The following LRP5 variants were observed in gnomAD, a reference collection of about 807,000 sequenced individuals.
LRP5 encodes LDL receptor related protein 5, also known as low-density lipoprotein receptor-related protein 5.
In LRP5, 62 loss-of-function variants were observed where a neutral mutation model predicts 154.1. The observed-to-expected ratio is 0.40, with a 90% CI of 0.33 to 0.50. The LOEUF is 0.50. LRP5 is among the 20% of genes least tolerant of loss of function. The pLI, the probability that LRP5 is intolerant of heterozygous loss-of-function variation, is 0.55. For synonymous variants in LRP5, 966 were observed against 1,011.5 expected, an observed-to-expected ratio of 0.96 and a Z score of 0.85; for missense variants, 1,915 against 2,336.7, an observed-to-expected ratio of 0.82 and a Z score of 3.72.
rs559170885 is a variant in LRP5 at position 68,352,451 on chromosome 11, C to T, written c.488+4208C>T. ...TGCCCTTTCCTCGCCACCAGAAGTC[C>T]AGTCTCCATGCCTACGTGGTTTTGT... On this transcript the variant is annotated intron_variant, in intron 2 of 22. Transcript: ENST00000294304. 3.0e-4 allele frequency among the ~76,000 whole-genome samples: 45 copies of T among 152,324 alleles called. 1 individual carries two copies. Among genetic ancestry groups the T allele is most frequent in the African/African-American group, 1.1e-3 (44 of 41,574 alleles).
chr11:68,445,762 C>A, intron 21 of LRP5: 1 of 929,022 alleles, frequency 1.1e-6, no homozygotes, highest in Admixed American at 2.5e-5. Context: ...TGTGTGCTGC[C>A]TGGACCTGGG....
At chr11:68,330,375 C>T (rs1468646472) in intron 1 of LRP5, among the ~76,000 whole-genome samples, 4 of 152,236 alleles carry the variant, frequency 2.6e-5, no homozygotes, top group Non-Finnish European at 5.9e-5. Context: ...TGCAGTATTC[C>T]ATAGCTAGAC....
Position 68,433,664 on chromosome 11 carries a change from G to A in LRP5, c.3826G>A (p.Gly1276Arg), listed in dbSNP as rs370744430. ...CACAGGGGAGATCGACTGTATCCCC[G>A]GGGCCTGGCGCTGTGACGGCTTTCC... ...CATGEIDCIP[G>R]AWRCDGFPEC... The change falls in exon 18 of 23, where the codon GGG becomes AGG. Residue 1276 changes from glycine to arginine, a missense_variant. Around this residue, in one of 3 missense-constraint regions of LRP5, gnomAD observed 1,094 missense variants for 1,210.1 expected, o/e 0.90. Coordinates refer to ENST00000294304, the MANE Select transcript of LRP5 (RefSeq NM_002335.4). 1.1e-5 allele frequency: 17 copies of A among 1,613,244 alleles called. No homozygotes were observed. Among genetic ancestry groups the A allele is most frequent in the African/African-American group, 2.7e-5 (2 of 74,938 alleles).
chr11:68,367,900 C>T (rs1170998626), intron 5 of LRP5, among the ~76,000 whole-genome samples: 1 of 152,018 alleles, frequency 6.6e-6, no homozygotes, highest in East Asian at 1.9e-4. Context: ...TCCATCTCTA[C>T]TAAAAATATA....
chr11:68,341,975 G>A lies in LRP5; in HGVS notation c.92-5872G>A, dbSNP rs571791184. Reference sequence around the variant, plus strand: ...TGCTGGGCACTCGCCTGCTGGAGGAGTGAGTGCCCATGGCCAGCCCCTCCT... The same window carrying A: ...TGCTGGGCACTCGCCTGCTGGAGGAATGAGTGCCCATGGCCAGCCCCTCCT... On this transcript the variant is annotated intron_variant, in intron 1 of 22. Coordinates refer to ENST00000294304, the MANE Select transcript of LRP5 (RefSeq NM_002335.4). Among the ~76,000 whole-genome samples the A allele has an allele frequency of 6.6e-5, 10 of 152,272 alleles. No homozygotes were observed. The South Asian group carries it at 1.5e-3, about 22-fold the overall frequency.
chr11:68,372,443 G>GTGT (rs1302979630), intron 5 of LRP5, among the ~76,000 whole-genome samples: 9,493 of 145,164 alleles, frequency 0.065, 3,474 homozygotes, highest in Non-Finnish European at 0.094. Context: ...AGGAGGTGCA[G>GTGT]CGTCAGGCGG....
intron 8 of LRP5, among the ~76,000 whole-genome samples, chr11:68,405,150 C>G (rs2098654885): frequency 6.6e-6 from 1 of 151,040 alleles, no homozygotes; most frequent in Non-Finnish European, 1.5e-5. Flanking sequence ...GAGCGAGACT[C>G]TGTCTCAAAA....
chr11:68,418,476 G>A (rs571271770), intron 13 of LRP5, among the ~76,000 whole-genome samples: 11 of 152,176 alleles, frequency 7.2e-5, no homozygotes, highest in Non-Finnish European at 1.2e-4. Context: ...TGTTATTGTG[G>A]TGAAATCTTG....
intron 5 of LRP5, among the ~76,000 whole-genome samples, chr11:68,372,921 G>A (rs1004488938): frequency 7.9e-5 from 12 of 152,076 alleles, no homozygotes; most frequent in African/African-American, 2.2e-4. Context: ...GGCAGGGCCT[G>A]GCTGTGTCAG....
At chr11:68,439,979 T>C (rs2098677312) in intron 21 of LRP5, 63 bp downstream of exon 21, 1 of 1,431,040 alleles carries the variant, frequency 7.0e-7, no homozygotes, top group African/African-American at 1.4e-5. Flanking sequence ...CCACCGTCAG[T>C]GCTGGCCACC....
At chr11:68,398,554 G>A (rs1285172138) in intron 7 of LRP5, among the ~76,000 whole-genome samples, 1 of 152,048 alleles carries the variant, frequency 6.6e-6, no homozygotes, top group East Asian at 1.9e-4. Context: ...TAGAGCAGGA[G>A]TCGAGAGCTA....
intron 7 of LRP5, among the ~76,000 whole-genome samples, chr11:68,397,106 C>T (rs1455640334): frequency 6.6e-6 from 1 of 152,160 alleles, no homozygotes; most frequent in African/African-American, 2.4e-5. Context: ...CACCTGCAGC[C>T]ACACTCAGCT....
In LRP5 at chr11:68,423,084, G is replaced by A. The variant is rs2098666750; in HGVS notation, c.3028-405G>A. ...GTGTTGGGAAGGGCCCCATGGTCTT[G>A]GATCCCTTCTCGACTGTCAATGGGG... On this transcript the variant is annotated intron_variant, in intron 13 of 22. Coordinates refer to ENST00000294304, the MANE Select transcript of LRP5 (RefSeq NM_002335.4). This position sits in a 1 kb window ranked among gnomAD's most constrained non-coding sequence, Gnocchi z 4.7. Among the ~76,000 whole-genome samples, 1 of 152,196 alleles carries A rather than the reference G, an allele frequency of 6.6e-6. No homozygotes were observed. The highest frequency in any genetic ancestry group is 6.5e-5 in the Admixed American group (1 of 15,280).
intron 21 of LRP5, 66 bp downstream of exon 21, chr11:68,439,982 T>C (rs112911971): frequency 1.1e-5 from 15 of 1,421,752 alleles, no homozygotes; most frequent in African/African-American, 1.0e-4. Flanking sequence ...CCGTCAGTGC[T>C]GGCCACCGGA....
At chr11:68,409,365 A>G (rs1279661844) in intron 9 of LRP5, among the ~76,000 whole-genome samples, 1 of 146,634 alleles carries the variant, frequency 6.8e-6, no homozygotes, top group Non-Finnish European at 1.5e-5. Context: ...TATATAATAT[A>G]CATTTATAAA....
At chr11:68,393,417 G>A (rs930095624) in intron 7 of LRP5, among the ~76,000 whole-genome samples, 33 of 152,196 alleles carry the variant, frequency 2.2e-4, no homozygotes, top group African/African-American at 7.2e-4. Flanking sequence ...TGGCTGCGCC[G>A]TTCTGCATCC....
chr11:68,383,351 T>C (rs1023560921), intron 5 of LRP5, among the ~76,000 whole-genome samples: 1 of 152,142 alleles, frequency 6.6e-6, no homozygotes, highest in Non-Finnish European at 1.5e-5. Flanking sequence ...GGCAGTCTCA[T>C]TGGAAAGTTC....
intron 5 of LRP5, among the ~76,000 whole-genome samples, chr11:68,385,423 G>T (rs938130119): frequency 2.0e-5 from 3 of 152,150 alleles, no homozygotes; most frequent in Non-Finnish European, 4.4e-5. Flanking sequence ...CCTGTTCTCT[G>T]TGGGACCCTA....
At chr11:68,402,455 C>T (rs565474106) in intron 7 of LRP5, among the ~76,000 whole-genome samples, 14 of 152,212 alleles carry the variant, frequency 9.2e-5, no homozygotes, top group Non-Finnish European at 2.1e-4. Flanking sequence ...GACCTGCAGG[C>T]TCAGACTTAG....
Sources: allele counts gnomAD v4.1 joint callset (sites outside exome capture counted in the v4.1 genomes callset), GRCh38; gene constraint gnomAD v4.1.1; regional missense constraint gnomAD v4.1.1; non-coding constraint Gnocchi (gnomAD v3.1); transcripts MANE v1.5; gene names NCBI Gene and HGNC (gene_info 2026-07-23, HGNC 2026-07-21).